ZBP1: variants seen among roughly 807,000 people sequenced by gnomAD.
The protein encoded by ZBP1 is Z-DNA-binding protein 1.
ZBP1 carries 42 observed loss-of-function variants against 41.1 expected under a neutral mutation model. The observed-to-expected ratio is 1.02, with a 90% CI of 0.80 to 1.32. ZBP1 has a LOEUF of 1.32. ZBP1 is among the 40% of genes most tolerant of loss of function. The probability of loss-of-function intolerance (pLI) is 0.00; values close to 1 mark genes in which losing one functional copy is unlikely to be tolerated. For missense variants in ZBP1, 562 were observed against 549.7 expected (o/e 1.02, Z -0.22); for synonymous variants, 214 against 205.2 (o/e 1.04, Z -0.37).
Position 57,604,747 on chromosome 20 carries a change from T to TTG in ZBP1, c.1114_1115dup (p.Gln372HisfsTer29), listed in dbSNP as rs773728374. The TTG allele has an allele frequency of 1.2e-6, 2 of 1,613,980 alleles. No homozygotes were observed. The highest frequency in any genetic ancestry group is 1.7e-6 in the Non-Finnish European group (2 of 1,179,934). On this transcript the variant is annotated frameshift_variant, in exon 8 of 8. Transcript: ENST00000371173. LOFTEE classifies it low-confidence loss of function (END_TRUNC). ...TGTCTCGAGGAAAGTGACTTCTGGATTGTGTGTCTGCGGGACGACGACCTA... is the reference window on the plus strand; with the variant it reads ...TGTCTCGAGGAAAGTGACTTCTGGATTGTGTGTGTCTGCGGGACGACGACCTA...
chr20:57,614,589 C>G (rs766693655), intron 4 of ZBP1, among the ~76,000 whole-genome samples: 3 of 152,120 alleles, frequency 2.0e-5, no homozygotes, highest in Non-Finnish European at 4.4e-5. Flanking sequence ...AAAACCATTC[C>G]CAAACTCAGA....
In ZBP1 at chr20:57,615,573, C is replaced by A. The variant is rs979090473; in HGVS notation, c.267G>T (p.Arg89Ser). 4 of 1,612,796 alleles carry A rather than the reference C, an allele frequency of 2.5e-6. No individual in the cohort carries two copies. The highest frequency in any genetic ancestry group is 3.4e-6 in the Non-Finnish European group (4 of 1,179,526). ...GAATTGTAGCTGCATGTTGCTGGGGCCTCTCGGCTGCAGAAAGAAAGATGG... is the reference window on the plus strand; with the variant it reads ...GAATTGTAGCTGCATGTTGCTGGGGACTCTCGGCTGCAGAAAGAAAGATGG... ...AELALSSPAE[R>S]PQQHAATIPE... Residue 89 changes from arginine to serine, a missense_variant, in exon 3 of 8, where the codon AGG becomes AGT. Coordinates refer to ENST00000371173, the MANE Select transcript of ZBP1 (RefSeq NM_030776.3).
At chr20:57,618,383 C>T (rs1016610496) in intron 1 of ZBP1, among the ~76,000 whole-genome samples, 1 of 152,234 alleles carries the variant, frequency 6.6e-6, no homozygotes, top group Non-Finnish European at 1.5e-5. Flanking sequence ...TTGGTCACAG[C>T]ACTTGTAGGG....
In ZBP1 at chr20:57,611,448, C is replaced by CG. The variant is rs536720957; in HGVS notation, c.874+278dup. On this transcript the variant is annotated intron_variant, in intron 6 of 7. Coordinates refer to ENST00000371173, the MANE Select transcript of ZBP1 (RefSeq NM_030776.3). ...TTTTTTTTTGTATTTTTGATAGAGA[C>CG]GTTTTACCATATTGGTCAGGCTGGT... is the stretch of plus-strand genomic sequence containing the variant. 8.6e-3 allele frequency among the ~76,000 whole-genome samples: 430 copies of CG among 49,912 alleles called. 5 individuals are homozygous for CG. The highest frequency in any genetic ancestry group is 0.025 in the African/African-American group (410 of 16,304). 32.7% of individuals were successfully genotyped at this position (49,912 alleles called of 152,430 possible). A position where few individuals can be genotyped will look rare whatever the true frequency, so the allele number is the denominator to read the frequency against.
At chr20:57,612,114 T>C (rs1322309971) in intron 5 of ZBP1, among the ~76,000 whole-genome samples, 184 bp from the exon 6 acceptor site, 1 of 152,134 alleles carries the variant, frequency 6.6e-6, no homozygotes, top group Non-Finnish European at 1.5e-5. Flanking sequence ...TGGGGCTCCC[T>C]GAGTTCTCAG....
At position 57,613,127 on chromosome 20, in the gene ZBP1, C is replaced by T. The variant is rs773254412; in HGVS notation, c.670+36G>A. ...CCCAGAGGATCCGGTGGCTCCCCAC[C>T]GAGGTCCCCTCCCTGGGCTCTCTTG... On this transcript the variant is annotated intron_variant, in intron 5 of 7. Transcript: ENST00000371173. The surrounding 1 kb of genome is among the most constrained non-coding windows in gnomAD (Gnocchi z 4.5). 44 of 1,613,390 alleles carry T rather than the reference C, an allele frequency of 2.7e-5. No individual in the cohort carries two copies. The highest frequency in any genetic ancestry group is 3.6e-5 in the Non-Finnish European group (42 of 1,179,712).
chr20:57,607,884 A>AGACTAGAGCATC (rs1160848799), intron 7 of ZBP1, among the ~76,000 whole-genome samples: 1 of 152,234 alleles, frequency 6.6e-6, no homozygotes, highest in African/African-American at 2.4e-5. Flanking sequence ...CACACCTAAT[A>AGACTAGAGCATC]GACTAGAGCA....
At chr20:57,605,080 G>T (rs1341506168) in intron 7 of ZBP1, among the ~76,000 whole-genome samples, 1 of 151,990 alleles carries the variant, frequency 6.6e-6, no homozygotes, top group Non-Finnish European at 1.5e-5. Flanking sequence ...CTCTGGCACT[G>T]ACAGTCTCTG....
chr20:57,620,414 T>A lies in ZBP1; in HGVS notation c.-119A>T, dbSNP rs2070983682. 1 of 1,121,712 alleles carries A rather than the reference T, an allele frequency of 8.9e-7. No individual in the cohort carries two copies. Among genetic ancestry groups the A allele is most frequent in the African/African-American group, 1.6e-5 (1 of 63,172 alleles). The allele number at this position is 1,121,712 out of a possible 1,614,324, so 69.5% of individuals were successfully genotyped here. On this transcript the variant is annotated 5_prime_UTR_variant, in exon 1 of 8. In the 5' UTR this introduces an upstream ATG that the reference lacks. Transcript: ENST00000371173. ...CTTCTGAAGTGGCCGAGCCTGGTGC[T>A]TCTTGCAGCTCTGAACCCACAAGGG...
At position 57,610,291 on chromosome 20, in the gene ZBP1, T is replaced by C; in HGVS notation, c.951A>G (p.Glu317=). The C allele has an allele frequency of 1.2e-6, 2 of 1,614,168 alleles. No individual in the cohort carries two copies. The highest frequency in any genetic ancestry group is 1.7e-6 in the Non-Finnish European group (2 of 1,180,018). The change falls in exon 7 of 8, where the codon GAA becomes GAG. Residue 317 remains glutamate (E), a synonymous_variant. Coordinates refer to ENST00000371173, the MANE Select transcript of ZBP1 (RefSeq NM_030776.3). The surrounding 1 kb of genome is among the most constrained non-coding windows in gnomAD (Gnocchi z 5.5). ...ATTTCATGTGGATTCTCTGGGCGGC[T>C]TCCCCCTCAGGGTGAGTTCCTGGAC... ...IPSPGTHPEG[E]AAQRIHMKSC...
In ZBP1 at chr20:57,611,870, G is replaced by T. The variant is rs761692723; in HGVS notation, c.731C>A (p.Thr244Asn). 5.7e-6 allele frequency: 9 copies of T among 1,582,652 alleles called. No individual in the cohort carries two copies. The highest frequency in any genetic ancestry group is 5.4e-5 in the African/African-American group (4 of 74,408). Residue 244 changes from threonine to asparagine, a missense_variant, in exon 6 of 8, where the codon ACC becomes AAC. Coordinates refer to ENST00000371173, the MANE Select transcript of ZBP1 (RefSeq NM_030776.3). ...CTGGGGCCCCCAGGGATCAACTAGG[G>T]TCCCCCAAGTTGAGGAATCACCTGG... ...MAPGDSSTWGTLVDPWGPQDI... is the reference protein window; with the variant it reads ...MAPGDSSTWGNLVDPWGPQDI...
At chr20:57,606,352 C>T (rs1433804992) in intron 7 of ZBP1, among the ~76,000 whole-genome samples, 1 of 152,266 alleles carries the variant, frequency 6.6e-6, no homozygotes, top group East Asian at 1.9e-4. Flanking sequence ...TGGAAGTGAG[C>T]AGAGGTTGGT....
intron 5 of ZBP1, chr20:57,612,782 C>A: frequency 1.9e-6 from 1 of 527,222 alleles, no homozygotes; most frequent in Non-Finnish European, 2.7e-6. Context: ...AATAACCTCC[C>A]CTGTAGCATT....
intron 2 of ZBP1, chr20:57,615,928 T>G: frequency 1.8e-6 from 1 of 542,314 alleles, no homozygotes; most frequent in Non-Finnish European, 3.3e-6. Flanking sequence ...ACTGCATATG[T>G]TCTGTGATTG....
chr20:57,610,783 C>A lies in ZBP1; in HGVS notation c.875-416G>T, dbSNP rs1013618752. 3.7e-6 allele frequency: 1 copy of A among 272,628 alleles called. No homozygotes were observed. The highest frequency in any genetic ancestry group is 7.2e-6 in the Non-Finnish European group (1 of 139,576). 16.9% of individuals were successfully genotyped at this position (272,628 alleles called of 1,614,324 possible). On this transcript the variant is annotated intron_variant, in intron 6 of 7. Transcript: ENST00000371173. The surrounding 1 kb of genome is among the most constrained non-coding windows in gnomAD (Gnocchi z 5.5). ...CTGGCTCTGCCCTTTCCCACCCAAA[C>A]TTCTGAAGAATCATCCACACTGAGT...
chr20:57,604,109 T>C lies in ZBP1; in HGVS notation c.*464A>G, dbSNP rs921287822. 5.0e-5 allele frequency: 14 copies of C among 281,850 alleles called. No individual in the cohort carries two copies. The highest frequency in any genetic ancestry group is 9.1e-5 in the Non-Finnish European group (13 of 143,140). 17.5% of individuals were successfully genotyped at this position (281,850 alleles called of 1,614,324 possible). On this transcript the variant is annotated 3_prime_UTR_variant, in exon 8 of 8. Coordinates refer to ENST00000371173, the MANE Select transcript of ZBP1 (RefSeq NM_030776.3). ...AGGACGGTCTGGATTTCCTGACCTA[T>C]TGATCCGCCCGCCTCGGCCTCCCAA...
chr20:57,609,528 T>C (rs188314541), intron 7 of ZBP1, among the ~76,000 whole-genome samples: 1 of 151,844 alleles, frequency 6.6e-6, no homozygotes, highest in Non-Finnish European at 1.5e-5. Context: ...CTCTGTACCC[T>C]CTCTCGCCCC....
rs1396487804 is a variant in ZBP1, at chr20:57,611,884, G to C, written c.717C>G (p.Ser239=). 6.4e-7 allele frequency: 1 copy of C among 1,574,228 alleles called. No individual in the cohort carries two copies. The highest frequency in any genetic ancestry group is 1.3e-5 in the African/African-American group (1 of 74,246). ...RHLPSMAPGD[S]STWGTLVDPW... ...GATCAACTAGGGTCCCCCAAGTTGA[G>C]GAATCACCTGGTGCCATTGAAGGGA... Residue 239 remains serine, a synonymous_variant, in exon 6 of 8, where the codon TCC becomes TCG. Coordinates refer to ENST00000371173, the MANE Select transcript of ZBP1 (RefSeq NM_030776.3).
rs368520660 is a variant in ZBP1, at chr20:57,610,017, G to A, written c.1093+132C>T. Reference sequence around the variant, plus strand: ...GACTCTAGAGCTGCTGCTCCTCGCTGTGGGTGGGCACAGCCTCCAGACTCC... The same window carrying A: ...GACTCTAGAGCTGCTGCTCCTCGCTATGGGTGGGCACAGCCTCCAGACTCC... On this transcript the variant is annotated intron_variant, in intron 7 of 7. Coordinates refer to ENST00000371173, the MANE Select transcript of ZBP1 (RefSeq NM_030776.3). This position sits in a 1 kb window ranked among gnomAD's most constrained non-coding sequence, Gnocchi z 5.5. The A allele has an allele frequency of 3.2e-5, 33 of 1,023,716 alleles. No homozygotes were observed. Among genetic ancestry groups the A allele is most frequent in the Middle Eastern group, 3.3e-4 (1 of 3,050 alleles). 63.4% of individuals were successfully genotyped at this position (1,023,716 alleles called of 1,614,324 possible). A position where few individuals can be genotyped will look rare whatever the true frequency, so the allele number is the denominator to read the frequency against.
Sources: allele counts gnomAD v4.1 joint callset (sites outside exome capture counted in the v4.1 genomes callset), GRCh38; gene constraint gnomAD v4.1.1; non-coding constraint Gnocchi (gnomAD v3.1); transcripts MANE v1.5; gene names NCBI Gene and HGNC (gene_info 2026-07-23, HGNC 2026-07-21).